SYK: variants seen among roughly 807,000 people sequenced by gnomAD.
SYK encodes tyrosine-protein kinase SYK.
In SYK, 16 loss-of-function variants were observed where a neutral mutation model predicts 77.8. The ratio of observed to expected loss-of-function variants is 0.21; its 90% CI spans 0.14 to 0.31. The LOEUF is 0.31. Ranked by LOEUF, SYK falls within the 10% of genes least tolerant of loss-of-function variation. The probability of loss-of-function intolerance (pLI) is 1.00; values close to 1 mark genes in which losing one functional copy is unlikely to be tolerated. For missense variants in SYK, 529 were observed against 814.4 expected (o/e 0.65, Z 4.26); for synonymous variants, 312 against 308.7 (o/e 1.01, Z -0.11).
Position 90,897,545 on chromosome 9 carries a change from G to A in SYK, c.*1945G>A, listed in dbSNP as rs1829037050. ...GTGGCTTCCTTCTGTAACTTCCAGA[G>A]GGAGTCTTCAACACAGGCCCCGTGC... On this transcript the variant is annotated 3_prime_UTR_variant, in exon 14 of 14. Transcript: ENST00000375754. The A allele has an allele frequency of 4.3e-6, 1 of 231,376 alleles. No individual in the cohort carries two copies. The highest frequency in any genetic ancestry group is 8.6e-6 in the Non-Finnish European group (1 of 116,902). 14.3% of individuals were successfully genotyped at this position (231,376 alleles called of 1,614,324 possible).
At chr9:90,886,327 G>T (rs1828574542) in intron 11 of SYK, among the ~76,000 whole-genome samples, 1 of 152,162 alleles carries the variant, frequency 6.6e-6, no homozygotes, top group South Asian at 2.1e-4. Flanking sequence ...CTTTGCAGAT[G>T]CAGGAAAAAA....
At chr9:90,847,386 T>C (rs10993710) in intron 3 of SYK, among the ~76,000 whole-genome samples, 3,805 of 152,364 alleles carry the variant, frequency 0.025, 166 homozygotes, top group East Asian at 0.22. Flanking sequence ...CTTAGTTGTC[T>C]TCTTCTCCTG....
rs962918287 is a variant in SYK, at chr9:90,895,157, A to G, written c.1836-371A>G. On this transcript the variant is annotated intron_variant, in intron 13 of 13. Transcript: ENST00000375754. This position sits in a 1 kb window ranked among gnomAD's most constrained non-coding sequence, Gnocchi z 4.4. ...TTCAGACACCTGTTTTGCTAAAATCACAGAGTGACAGCCTCTTCGTGTTGC... is the reference window on the plus strand; with the variant it reads ...TTCAGACACCTGTTTTGCTAAAATCGCAGAGTGACAGCCTCTTCGTGTTGC... Among the ~76,000 whole-genome samples, 1 of 152,254 alleles carries G rather than the reference A, an allele frequency of 6.6e-6. No homozygotes were observed. Among genetic ancestry groups the G allele is most frequent in the East Asian group, 1.9e-4 (1 of 5,204 alleles).
intron 7 of SYK, among the ~76,000 whole-genome samples, chr9:90,869,009 G>A (rs944268278): frequency 2.6e-5 from 4 of 152,154 alleles, no homozygotes; most frequent in Non-Finnish European, 4.4e-5. Context: ...AAAAGTCAAT[G>A]TCCTGCAACA....
At chr9:90,872,271 C>G (rs1301812930) in intron 7 of SYK, among the ~76,000 whole-genome samples, 1 of 152,168 alleles carries the variant, frequency 6.6e-6, no homozygotes, top group African/African-American at 2.4e-5. Flanking sequence ...GACAGGAGGT[C>G]TTATGTCAAG....
intron 11 of SYK, among the ~76,000 whole-genome samples, chr9:90,884,374 CAT>C (rs1462453381): frequency 6.7e-6 from 1 of 148,926 alleles, no homozygotes; most frequent in South Asian, 2.1e-4. Flanking sequence ...TACATACACA[CAT>C]ACGTGTATAT....
At chr9:90,877,825 G>C in intron 10 of SYK, 45 bp downstream of exon 10, 4 of 1,607,262 alleles carry the variant, frequency 2.5e-6, no homozygotes, top group Non-Finnish European at 3.4e-6. Context: ...TCCCCTAAGG[G>C]ACAGGGCCCA....
chr9:90,852,771 G>A (rs1381513765), intron 3 of SYK, among the ~76,000 whole-genome samples: 1 of 152,168 alleles, frequency 6.6e-6, no homozygotes, highest in African/African-American at 2.4e-5. Flanking sequence ...TACAAAAACA[G>A]TCATTCATTC....
intron 13 of SYK, among the ~76,000 whole-genome samples, 169 bp downstream of exon 13, chr9:90,888,796 G>A (rs574123564): frequency 6.6e-6 from 1 of 152,278 alleles, no homozygotes; most frequent in East Asian, 1.9e-4. Context: ...CTTGCTTTCT[G>A]GCCCATGCAC....
intron 1 of SYK, among the ~76,000 whole-genome samples, chr9:90,818,866 G>T (rs1014436350): frequency 6.6e-6 from 1 of 152,186 alleles, no homozygotes; most frequent in African/African-American, 2.4e-5. Context: ...TCTCTACCCT[G>T]CAGGAATTAT....
chr9:90,809,932 G>A (rs1299906973), intron 1 of SYK, among the ~76,000 whole-genome samples: 1 of 152,126 alleles, frequency 6.6e-6, no homozygotes, highest in Non-Finnish European at 1.5e-5. Flanking sequence ...AGGCAGGTGG[G>A]ACTTCAATGA....
At chr9:90,855,003 C>CACAT (rs1469219315) in intron 3 of SYK, among the ~76,000 whole-genome samples, 2 of 94,982 alleles carry the variant, frequency 2.1e-5, no homozygotes, top group Non-Finnish European at 4.1e-5. Flanking sequence ...CTCACACACA[C>CACAT]ACATACATAC....
intron 1 of SYK, among the ~76,000 whole-genome samples, chr9:90,824,193 A>G (rs781579133): frequency 2.6e-5 from 4 of 152,174 alleles, no homozygotes; most frequent in Non-Finnish European, 5.9e-5. Flanking sequence ...TAAAACTTAC[A>G]GAAGAAATAG....
chr9:90,885,134 G>A (rs1232981352), intron 11 of SYK, among the ~76,000 whole-genome samples: 1 of 151,394 alleles, frequency 6.6e-6, no homozygotes, highest in Non-Finnish European at 1.5e-5. Context: ...AAGGAAATAT[G>A]ATACCTCCAA....
intron 10 of SYK, among the ~76,000 whole-genome samples, chr9:90,878,374 T>C: frequency 6.6e-6 from 1 of 152,182 alleles, no homozygotes; most frequent in East Asian, 1.9e-4. Context: ...AGATTGTCTC[T>C]TTAGTCTCCA....
chr9:90,841,076 GGTGT>G (rs1361217169), intron 1 of SYK, among the ~76,000 whole-genome samples: 1 of 151,792 alleles, frequency 6.6e-6, no homozygotes. Context: ...TGTGTACTAT[GGTGT>G]GTGTGTGGCA....
chr9:90,867,521 A>G (rs909575989), intron 7 of SYK, among the ~76,000 whole-genome samples: 1 of 152,238 alleles, frequency 6.6e-6, no homozygotes. Context: ...AATCTTTTCA[A>G]AGATGGCCCA....
intron 7 of SYK, among the ~76,000 whole-genome samples, chr9:90,872,768 C>T (rs1013719631): frequency 3.9e-5 from 6 of 152,178 alleles, no homozygotes; most frequent in African/African-American, 1.4e-4. Flanking sequence ...ATTCATTCAC[C>T]CATCCATTCA....
chr9:90,888,841 T>C (rs1828681119), intron 13 of SYK, among the ~76,000 whole-genome samples: 1 of 152,222 alleles, frequency 6.6e-6, no homozygotes, highest in Non-Finnish European at 1.5e-5. Flanking sequence ...CAAGTTTAGA[T>C]GGGGACTCTA....
Sources: gnomAD v4.1 joint callset for allele counts (sites outside exome capture counted in the v4.1 genomes callset) on GRCh38, gnomAD v4.1.1 for gene constraint, Gnocchi (gnomAD v3.1) non-coding constraint, MANE v1.5 for transcripts, NCBI Gene and HGNC (gene_info 2026-07-23, HGNC 2026-07-21) for gene names.